TENT4B: variants seen among roughly 807,000 people sequenced by gnomAD.
TENT4B encodes the protein PAP associated domain containing 5.
Under a neutral mutation model 75.0 loss-of-function variants are expected in TENT4B, and 10 were observed. The ratio of observed to expected loss-of-function variants is 0.13; its 90% CI spans 0.08 to 0.23. The LOEUF is 0.23. TENT4B is among the 10% of genes least tolerant of loss of function. The pLI is 1.00. For missense variants in TENT4B, 579 were observed against 893.8 expected (o/e 0.65, Z 4.49); for synonymous variants, 350 against 357.7 (o/e 0.98, Z 0.24).
At chr16:50,199,862 A>G (rs575659535) in intron 1 of TENT4B, among the ~76,000 whole-genome samples, 9 of 152,300 alleles carry the variant, frequency 5.9e-5, no homozygotes, top group African/African-American at 2.2e-4. Context: ...TCTCCTGAAC[A>G]CCTGGGCTGA....
intron 1 of TENT4B, among the ~76,000 whole-genome samples, chr16:50,206,632 G>A (rs769151804): frequency 2.6e-5 from 4 of 151,992 alleles, no homozygotes; most frequent in Admixed American, 6.6e-5. Flanking sequence ...CGCAGGGGAC[G>A]GTGCTGAGCA....
At chr16:50,153,128 C>G (rs916669088), upstream of TENT4B, 2 of 921,562 alleles carry the variant, frequency 2.2e-6, no homozygotes, top group Non-Finnish European at 2.7e-6. Context: ...GGCGAGGCCT[C>G]CCGGGCTGCT....
Position 50,229,207 on chromosome 16 carries a change from AAAC to A in TENT4B, c.2024_2026del (p.Thr675del), listed in dbSNP as rs1418788593. 1.2e-6 allele frequency: 2 copies of A among 1,613,970 alleles called. No homozygotes were observed. Among genetic ancestry groups the A allele is most frequent in the African/African-American group, 2.7e-5 (2 of 75,050 alleles). On this transcript the variant is annotated inframe_deletion, in exon 12 of 12. Transcript: ENST00000561678. The stretch of plus-strand genomic sequence containing the variant: ...AGCAAAGGCTTCCAAGGTACAACTC[AAAC>A]AAGCCATGGTTCCTTGATGACAAAC...
Position 50,224,609 on chromosome 16 carries a change from A to G in TENT4B, c.1382-48A>G, listed in dbSNP as rs769917962. On this transcript the variant is annotated intron_variant, in intron 7 of 11. Coordinates refer to ENST00000561678, the MANE Select transcript of TENT4B (RefSeq NM_001365324.3). ...GAAGAGAGTCATCAACATTTAGTGCATATTAAGCACAGTCAGGCTTACTAT... is the reference window on the plus strand; with the variant it reads ...GAAGAGAGTCATCAACATTTAGTGCGTATTAAGCACAGTCAGGCTTACTAT... 3.1e-6 allele frequency: 5 copies of G among 1,608,818 alleles called. No homozygotes were observed. The African/African-American group carries it at 5.3e-5, about 17-fold the overall frequency.
chr16:50,204,666 G>A (rs1306811086), intron 1 of TENT4B, among the ~76,000 whole-genome samples: 1 of 152,146 alleles, frequency 6.6e-6, no homozygotes, highest in African/African-American at 2.4e-5. Context: ...GTCTAGGCAG[G>A]CTTGAAGAAA....
At chr16:50,187,028 T>C (rs917568939) in intron 1 of TENT4B, among the ~76,000 whole-genome samples, 1 of 152,192 alleles carries the variant, frequency 6.6e-6, no homozygotes, top group African/African-American at 2.4e-5. Flanking sequence ...CTCAGAGTGC[T>C]GAGATTATAG....
intron 8 of TENT4B, 41 bp downstream of exon 8, chr16:50,224,824 G>T: frequency 6.2e-7 from 1 of 1,612,732 alleles, no homozygotes. Context: ...GTCAAAATTA[G>T]TTGTGGCTTC....
At chr16:50,205,503 C>G (rs1041430569) in intron 1 of TENT4B, among the ~76,000 whole-genome samples, 3 of 146,914 alleles carry the variant, frequency 2.0e-5, no homozygotes, top group Non-Finnish European at 3.0e-5. Flanking sequence ...AGAAAACTTG[C>G]AATGCAAATA....
intron 7 of TENT4B, 71 bp from the exon 8 acceptor site, chr16:50,224,586 A>G (rs187340520): frequency 7.5e-5 from 118 of 1,580,542 alleles, no homozygotes; most frequent in Non-Finnish European, 9.8e-5. Context: ...CTCTCCTGGA[A>G]GAGAGTCATC....
intron 1 of TENT4B, among the ~76,000 whole-genome samples, chr16:50,169,079 T>A (rs183390223): frequency 6.6e-6 from 1 of 152,350 alleles, no homozygotes; most frequent in African/African-American, 2.4e-5. Context: ...GTATCAAATA[T>A]CCAATGTTCA....
chr16:50,184,392 G>A (rs1773126315), intron 1 of TENT4B, among the ~76,000 whole-genome samples: 1 of 152,180 alleles, frequency 6.6e-6, no homozygotes, highest in African/African-American at 2.4e-5. Context: ...CTGCCGGCCG[G>A]GCGCGGTGGC....
chr16:50,226,698 GA>G (rs1187520466), intron 10 of TENT4B, among the ~76,000 whole-genome samples: 8 of 152,310 alleles, frequency 5.3e-5, no homozygotes, highest in Admixed American at 5.2e-4. Flanking sequence ...TTACAGGCGT[GA>G]GCCACCACGC....
chr16:50,192,663 C>A (rs1425347209), intron 1 of TENT4B, among the ~76,000 whole-genome samples: 1 of 152,114 alleles, frequency 6.6e-6, no homozygotes, highest in Non-Finnish European at 1.5e-5. Context: ...ACTGAGAAAG[C>A]CATTGACAAT....
At chr16:50,162,007 T>G (rs890233653) in intron 1 of TENT4B, among the ~76,000 whole-genome samples, 1 of 152,228 alleles carries the variant, frequency 6.6e-6, no homozygotes, top group East Asian at 1.9e-4. Context: ...TCTGTTTGCA[T>G]CTCTGTAATT....
intron 1 of TENT4B, among the ~76,000 whole-genome samples, chr16:50,173,503 T>C (rs1213481190): frequency 3.9e-5 from 6 of 152,216 alleles, no homozygotes; most frequent in Non-Finnish European, 7.3e-5. Context: ...TCAGGGTGAC[T>C]GTACCATTTT....
Position 50,234,787 on chromosome 16 carries a change from G to T in TENT4B, c.*5459G>T. ...TGAAAAGTGAGGGACGACCAGTGTA[G>T]TTTCTGGATATAAAGTGTGAAGGAC... On this transcript the variant is annotated 3_prime_UTR_variant, in exon 12 of 12. Coordinates refer to ENST00000561678, the MANE Select transcript of TENT4B (RefSeq NM_001365324.3). 3 of 985,486 alleles carry T rather than the reference G, an allele frequency of 3.0e-6. No homozygotes were observed. Among genetic ancestry groups the T allele is most frequent in the Non-Finnish European group, 3.6e-6 (3 of 829,928 alleles). 61.0% of individuals were successfully genotyped at this position (985,486 alleles called of 1,614,324 possible).
In TENT4B at chr16:50,207,205, G is replaced by A. The variant is rs528818689; in HGVS notation, c.639-4118G>A. On this transcript the variant is annotated intron_variant, in intron 1 of 11. Transcript: ENST00000561678. Reference sequence around the variant, plus strand: ...AAAAATTTTTTTATTTTTTTGAGACGGAGTCTTGCTCTGTTGCCCAGGCTG... The same window carrying A: ...AAAAATTTTTTTATTTTTTTGAGACAGAGTCTTGCTCTGTTGCCCAGGCTG... Among the ~76,000 whole-genome samples, 33 of 151,048 alleles carry A rather than the reference G, an allele frequency of 2.2e-4. 1 individual carries two copies. Among genetic ancestry groups the A allele is most frequent in the South Asian group, 1.0e-3 (5 of 4,790 alleles).
rs2032209334 is a variant in TENT4B, at chr16:50,229,555, T to A, written c.*227T>A. 6 of 1,259,174 alleles carry A rather than the reference T, an allele frequency of 4.8e-6. No individual in the cohort carries two copies. The highest frequency in any genetic ancestry group is 6.0e-6 in the Non-Finnish European group (6 of 1,005,788). 78.0% of individuals were successfully genotyped at this position (1,259,174 alleles called of 1,614,324 possible). On this transcript the variant is annotated 3_prime_UTR_variant, in exon 12 of 12. Transcript: ENST00000561678. ...AGCAAAAAAGAGGGAAAAAAAAGGC[T>A]GCTTATTTGATAAGTCATATGCTAC...
chr16:50,175,277 A>T (rs2038284555), intron 1 of TENT4B, among the ~76,000 whole-genome samples: 2 of 152,158 alleles, frequency 1.3e-5, no homozygotes, highest in East Asian at 1.9e-4. Context: ...TGCAGAGCAC[A>T]CATTATACAT....
Sources: allele counts gnomAD v4.1 joint callset (sites outside exome capture counted in the v4.1 genomes callset), GRCh38; gene constraint gnomAD v4.1.1; transcripts MANE v1.5; gene names NCBI Gene and HGNC (gene_info 2026-07-23, HGNC 2026-07-21).